The following BICRAL variants were observed in gnomAD, a reference collection of about 807,000 sequenced individuals.
The protein encoded by BICRAL is BICRA like chromatin remodeling complex associated protein.
In BICRAL, 8 loss-of-function variants were observed where a neutral mutation model predicts 91.8. The observed-to-expected ratio is 0.09, with a 90% CI of 0.05 to 0.16. BICRAL has a LOEUF of 0.16. Ranked by LOEUF, BICRAL falls within the 10% of genes least tolerant of loss-of-function variation. BICRAL has a pLI of 1.00. For synonymous variants in BICRAL, 445 were observed against 491.1 expected (o/e 0.91, Z 1.24); for missense variants, 1,038 against 1,310.9 (o/e 0.79, Z 3.21).
intron 1 of BICRAL, among the ~76,000 whole-genome samples, chr6:42,809,458 CAG>C (rs1292045756): frequency 9.0e-6 from 1 of 110,812 alleles, no homozygotes; most frequent in African/African-American, 3.5e-5. Context: ...TTTTTTGAGA[CAG>C]AGTTTCGCTC....
At chr6:42,784,208 A>G (rs1763034624) in intron 1 of BICRAL, among the ~76,000 whole-genome samples, 1 of 152,240 alleles carries the variant, frequency 6.6e-6, no homozygotes, top group African/African-American at 2.4e-5. Context: ...GAAAAGTTAA[A>G]TACGCTTTAA....
At chr6:42,774,819 C>G (rs1562454754) in intron 1 of BICRAL, among the ~76,000 whole-genome samples, 2 of 134,044 alleles carry the variant, frequency 1.5e-5, no homozygotes, top group Middle Eastern at 3.6e-3. Flanking sequence ...CACAGTGTCT[C>G]CACTCCCGTA....
chr6:42,747,755 T>C (rs982177348), intron 1 of BICRAL, among the ~76,000 whole-genome samples: 1 of 151,916 alleles, frequency 6.6e-6, no homozygotes, highest in African/African-American at 2.4e-5. Flanking sequence ...TAGTCTTGTT[T>C]TATGGGCAGA....
intron 1 of BICRAL, among the ~76,000 whole-genome samples, chr6:42,747,996 G>T (rs1762311357): frequency 1.3e-5 from 2 of 151,256 alleles, no homozygotes; most frequent in Non-Finnish European, 2.9e-5. Context: ...TAGAGACGGG[G>T]TTTCTCCATG....
At chr6:42,851,907 T>C (rs1450841950) in intron 6 of BICRAL, among the ~76,000 whole-genome samples, 185 bp from the exon 7 acceptor site, 1 of 152,154 alleles carries the variant, frequency 6.6e-6, no homozygotes, top group African/African-American at 2.4e-5. Context: ...GCCTGCAGAT[T>C]GTTAAAGGAT....
chr6:42,764,599 T>C (rs1181057490), intron 1 of BICRAL, among the ~76,000 whole-genome samples: 1 of 152,168 alleles, frequency 6.6e-6, no homozygotes, highest in African/African-American at 2.4e-5. Flanking sequence ...CTGTATTCTA[T>C]ATATACACAT....
upstream of BICRAL, among the ~76,000 whole-genome samples, chr6:42,778,581 T>C (rs145778116): frequency 6.6e-6 from 1 of 152,336 alleles, no homozygotes; most frequent in East Asian, 1.9e-4. Flanking sequence ...CTAAGCTCTT[T>C]ATGAGTATAT....
At chr6:42,761,050 A>T (rs1000032114) in intron 1 of BICRAL, among the ~76,000 whole-genome samples, 4 of 151,440 alleles carry the variant, frequency 2.6e-5, no homozygotes, top group Non-Finnish European at 4.4e-5. Flanking sequence ...TGTCTCAAAT[A>T]AAAAAAAAGG....
intron 1 of BICRAL, among the ~76,000 whole-genome samples, chr6:42,793,220 T>C (rs1763326952): frequency 8.3e-6 from 1 of 120,948 alleles, no homozygotes; most frequent in Admixed American, 1.0e-4. Flanking sequence ...CTCAGCTCAC[T>C]GCAAGCTCTG....
At chr6:42,789,125 T>C (rs541851857) in intron 1 of BICRAL, among the ~76,000 whole-genome samples, 3 of 152,220 alleles carry the variant, frequency 2.0e-5, no homozygotes, top group Admixed American at 1.3e-4. Flanking sequence ...ATTACTGGCT[T>C]AAAGTGAGTT....
At chr6:42,806,683 T>A (rs1478772802) in intron 1 of BICRAL, among the ~76,000 whole-genome samples, 1 of 151,906 alleles carries the variant, frequency 6.6e-6, no homozygotes, top group Non-Finnish European at 1.5e-5. Flanking sequence ...CAGCTAATTT[T>A]TATATTTTTT....
At chr6:42,783,681 G>A (rs1170359518) in intron 1 of BICRAL, among the ~76,000 whole-genome samples, 6 of 152,204 alleles carry the variant, frequency 3.9e-5, no homozygotes, top group Admixed American at 2.6e-4. Context: ...AGACGAGGCC[G>A]CCGGCTCGGA....
chr6:42,857,211 G>T lies in BICRAL; in HGVS notation c.2229G>T (p.Met743Ile). The change falls in exon 10 of 13, where the codon ATG (methionine) becomes ATT (isoleucine). Residue 743 changes from methionine to isoleucine, a missense_variant. Met to Ile is a conservative substitution (Grantham distance 10). Transcript: ENST00000314073. Reference sequence around the variant, plus strand: ...CCTACCACGTGTGCCAGGGCTCCATGCCCACTGAAGAAGACTTGAGAAAAG... The same window carrying T: ...CCTACCACGTGTGCCAGGGCTCCATTCCCACTGAAGAAGACTTGAGAAAAG... ...LLSYHVCQGS[M>I]PTEEDLRKVD... 6.2e-7 allele frequency: 1 copy of T among 1,613,626 alleles called. No homozygotes were observed. The highest frequency in any genetic ancestry group is 8.5e-7 in the Non-Finnish European group (1 of 1,179,762).
intron 2 of BICRAL, among the ~76,000 whole-genome samples, chr6:42,820,801 A>G (rs1167685906): frequency 6.6e-6 from 1 of 152,190 alleles, no homozygotes; most frequent in Non-Finnish European, 1.5e-5. Context: ...CTCCCAGATC[A>G]TTCAGCATCT....
intron 1 of BICRAL, among the ~76,000 whole-genome samples, chr6:42,751,886 A>G (rs1367036344): frequency 6.6e-6 from 1 of 151,084 alleles, no homozygotes; most frequent in Admixed American, 6.6e-5. Context: ...TGAACTCCTG[A>G]CCTCAGATGA....
At chr6:42,813,267 G>T (rs1323404661) in intron 2 of BICRAL, among the ~76,000 whole-genome samples, 2 of 152,036 alleles carry the variant, frequency 1.3e-5, no homozygotes, top group African/African-American at 4.8e-5. Context: ...AGCATGAAGA[G>T]AACTACACCA....
At chr6:42,792,020 C>T (rs899678720) in intron 1 of BICRAL, among the ~76,000 whole-genome samples, 1 of 152,118 alleles carries the variant, frequency 6.6e-6, no homozygotes, top group African/African-American at 2.4e-5. Flanking sequence ...CATATCTAAA[C>T]ATGGTACAGT....
chr6:42,764,916 C>T (rs1365630536), intron 1 of BICRAL, among the ~76,000 whole-genome samples: 6 of 152,206 alleles, frequency 3.9e-5, no homozygotes. Flanking sequence ...GCCTCAACCT[C>T]CCAAAGTGCT....
At chr6:42,847,727 A>G (rs572298840) in intron 6 of BICRAL, among the ~76,000 whole-genome samples, 1 of 152,184 alleles carries the variant, frequency 6.6e-6, no homozygotes, top group African/African-American at 2.4e-5. Flanking sequence ...GTTCGAGACC[A>G]TCCTGACCAA....
Sources: allele counts gnomAD v4.1 joint callset (sites outside exome capture counted in the v4.1 genomes callset), GRCh38; gene constraint gnomAD v4.1.1; transcripts MANE v1.5; gene names NCBI Gene and HGNC (gene_info 2026-07-23, HGNC 2026-07-21).